Variants in SYTL4 observed in about 807,000 individuals in gnomAD.
SYTL4 encodes synaptotagmin-like protein 4.
SYTL4 carries 16 observed loss-of-function variants against 52.7 expected under a neutral mutation model. That is an observed-to-expected ratio of 0.30 (90% CI 0.21 to 0.46). The LOEUF is 0.46. Among genes scored for constraint, SYTL4 ranks in the 20% least tolerant of loss-of-function variants. The pLI is 1.00. For missense variants in SYTL4, 423 were observed against 519.9 expected, an observed-to-expected ratio of 0.81 and a Z score of 1.81; for synonymous variants, 160 against 186.6, an observed-to-expected ratio of 0.86 and a Z score of 1.16.
chrX:100,711,585 A>G (rs2084070561), intron 2 of SYTL4, among the ~76,000 whole-genome samples: 1 of 111,618 alleles, frequency 9.0e-6, no homozygotes, highest in Non-Finnish European at 1.9e-5. Context: ...GAACTTGAAG[A>G]CATAGCAATA....
At chrX:100,712,470 A>G (rs919547500) in intron 2 of SYTL4, among the ~76,000 whole-genome samples, 1 of 112,029 alleles carries the variant, frequency 8.9e-6, no homozygotes, top group Admixed American at 9.5e-5. Flanking sequence ...TCATGTTTAT[A>G]GTCACTTGAT....
At chrX:100,677,949 CT>C (rs1334513447) in intron 19 of SYTL4, among the ~76,000 whole-genome samples, 4 of 111,535 alleles carry the variant, frequency 3.6e-5, no homozygotes, top group Non-Finnish European at 5.6e-5. Flanking sequence ...GTATTCACCC[CT>C]GGTAGGTAGG....
At chrX:100,707,408 C>T (rs1245265697) in intron 2 of SYTL4, among the ~76,000 whole-genome samples, 1 of 111,432 alleles carries the variant, frequency 9.0e-6, no homozygotes, top group East Asian at 2.8e-4. Context: ...CTATCCTTAA[C>T]ATCTTAGAGG....
chrX:100,691,759 C>T (rs1277033401), intron 8 of SYTL4, among the ~76,000 whole-genome samples: 1 of 111,368 alleles, frequency 9.0e-6, no homozygotes, highest in African/African-American at 3.3e-5. Context: ...AGGATGGTCT[C>T]GATCTCCTGA....
At chrX:100,694,748 A>G (rs1447341612) in intron 8 of SYTL4, among the ~76,000 whole-genome samples, 1 of 112,038 alleles carries the variant, frequency 8.9e-6, no homozygotes, top group Non-Finnish European at 1.9e-5. Context: ...GCATTCATAG[A>G]TATTTGTCAA....
chrX:100,705,536 C>CA (rs2083938845), intron 2 of SYTL4, among the ~76,000 whole-genome samples: 1 of 111,122 alleles, frequency 9.0e-6, no homozygotes, highest in Non-Finnish European at 1.9e-5. Flanking sequence ...AAACACTGCG[C>CA]AAAAAAATCA....
intron 2 of SYTL4, among the ~76,000 whole-genome samples, chrX:100,726,812 G>A (rs2084528723): frequency 9.0e-6 from 1 of 110,964 alleles, no homozygotes; most frequent in African/African-American, 3.3e-5. Flanking sequence ...AATTTATGGG[G>A]TACACATGCA....
At chrX:100,691,760 G>A (rs1255501284) in intron 8 of SYTL4, among the ~76,000 whole-genome samples, 16 of 111,269 alleles carry the variant, frequency 1.4e-4, no homozygotes, top group African/African-American at 4.3e-4. Context: ...GGATGGTCTC[G>A]ATCTCCTGAC....
At chrX:100,705,906 C>T (rs1288469666) in intron 2 of SYTL4, among the ~76,000 whole-genome samples, 2 of 111,644 alleles carry the variant, frequency 1.8e-5, no homozygotes, top group Non-Finnish European at 3.8e-5. Flanking sequence ...CCTGCTCTAT[C>T]TGTTCTTCAA....
intron 2 of SYTL4, among the ~76,000 whole-genome samples, chrX:100,728,642 C>T (rs1010440091): frequency 1.8e-5 from 2 of 111,995 alleles, no homozygotes; most frequent in African/African-American, 6.5e-5. Context: ...ATCCACACCC[C>T]TTCCTCCCAG....
At chrX:100,698,194 C>G (rs5921631) in intron 8 of SYTL4, among the ~76,000 whole-genome samples, 52,004 of 109,325 alleles carry the variant, frequency 0.48, 10,805 homozygotes, top group Non-Finnish European at 0.64. Context: ...GCTCCGCCTC[C>G]CGGGTTCACG....
chrX:100,719,312 C>T (rs753090683), intron 2 of SYTL4, among the ~76,000 whole-genome samples: 1 of 111,550 alleles, frequency 9.0e-6, no homozygotes, highest in African/African-American at 3.3e-5. Flanking sequence ...AGGTCACATG[C>T]CCTGTGACAG....
chrX:100,709,376 G>T (rs5921633), intron 2 of SYTL4, among the ~76,000 whole-genome samples: 1 of 110,025 alleles, frequency 9.1e-6, no homozygotes, highest in African/African-American at 3.3e-5. Context: ...GGTGGCTTGC[G>T]CCTGTAGTCC....
intron 5 of SYTL4, 40 bp from the exon 6 acceptor site, chrX:100,701,713 T>A: frequency 8.7e-7 from 1 of 1,144,822 alleles, no homozygotes; most frequent in Non-Finnish European, 1.2e-6. Flanking sequence ...GGATTCAGGA[T>A]ATGCATAGAT....
intron 15 of SYTL4, 175 bp downstream of exon 15, chrX:100,686,504 A>T: frequency 2.4e-6 from 1 of 416,497 alleles, no homozygotes; most frequent in Admixed American, 4.5e-5. Flanking sequence ...GGAAAGGCAG[A>T]TCACCTTTGT....
At chrX:100,699,221 G>T (rs1227201703) in intron 8 of SYTL4, among the ~76,000 whole-genome samples, 1 of 107,191 alleles carries the variant, frequency 9.3e-6, no homozygotes, top group African/African-American at 3.4e-5. Context: ...ATGAAAATTA[G>T]CTGGGCTTAG....
At chrX:100,701,087 C>T in intron 7 of SYTL4, 88 bp from the exon 8 acceptor site, 1 of 910,036 alleles carries the variant, frequency 1.1e-6, no homozygotes, top group Non-Finnish European at 1.6e-6. Context: ...CTGAAATACA[C>T]CATGCTTGCA....
At chrX:100,728,766 G>A (rs2084575174) in intron 2 of SYTL4, among the ~76,000 whole-genome samples, 1 of 111,735 alleles carries the variant, frequency 8.9e-6, no homozygotes, top group African/African-American at 3.3e-5. Context: ...GGCCAGGAGC[G>A]GTGGCTCACG....
At position 100,718,365 on chromosome X, in the gene SYTL4, T is replaced by C. The variant is rs190945233; in HGVS notation, c.-240+13053A>G. ...TTAAAGGATATTTATTTATACACTG[T>C]TCCAGACAGGATTTAAAGTGACTTA... On this transcript the variant is annotated intron_variant, in intron 2 of 19. Transcript: ENST00000372989. Among the ~76,000 whole-genome samples the C allele has an allele frequency of 3.8e-4, 43 of 111,891 alleles. 1 individual carries two copies. The East Asian group carries it at 0.01, about 27-fold the overall frequency.
Sources: allele counts gnomAD v4.1 joint callset (sites outside exome capture counted in the v4.1 genomes callset), GRCh38; gene constraint gnomAD v4.1.1; transcripts MANE v1.5; gene names NCBI Gene and HGNC (gene_info 2026-07-23, HGNC 2026-07-21).